The following SHC3 variants were observed in gnomAD, a reference collection of about 807,000 sequenced individuals.
The protein encoded by SHC3 is SHC-transforming protein 3.
A neutral mutation model predicts 60.4 loss-of-function variants in SHC3; 15 were observed. The ratio of observed to expected loss-of-function variants is 0.25; its 90% CI spans 0.17 to 0.38. The LOEUF is 0.38. SHC3 is among the 10% of genes least tolerant of loss of function. SHC3 has a pLI of 1.00. For missense variants in SHC3, 677 were observed against 786.1 expected, an observed-to-expected ratio of 0.86 and a Z score of 1.66; for synonymous variants, 294 against 325.9, an observed-to-expected ratio of 0.90 and a Z score of 1.05.
rs115450436 is a variant in SHC3 at position 89,038,227 on chromosome 9, G to A, written c.1422C>T (p.Ser474=). ...PLGPVLSKAA[S]VECISPVSPR... ...GTGACACAGGGCTGATGCACTCCAC[G>A]GAGGCTGCCTTGCTTAACACGGGCC... Residue 474 remains serine, a synonymous_variant, in exon 11 of 12, where the codon TCC becomes TCT. Coordinates refer to ENST00000375835, the MANE Select transcript of SHC3 (RefSeq NM_016848.6). 1.0e-3 allele frequency: 1,670 copies of A among 1,613,926 alleles called. 18 individuals are homozygous for A. The African/African-American group carries it at 0.019, about 19-fold the overall frequency.
intron 11 of SHC3, among the ~76,000 whole-genome samples, chr9:89,032,224 G>C (rs1165923234): frequency 2.0e-5 from 3 of 152,080 alleles, no homozygotes; most frequent in Non-Finnish European, 4.4e-5. Context: ...ATAACAACAG[G>C]GCATTATAAA....
At position 89,178,203 on chromosome 9, in the gene SHC3, C is replaced by T. The variant is rs139247368; in HGVS notation, c.258G>A (p.Ser86=). ...LSSSGLRGLS[S]AARERAGARL... is the part of the protein sequence containing the mutation. ...GCGCGCCCGCCCGCTCCCGGGCGGC[C>T]GACGACAGGCCGCGGAGGCCCGAGC... is the stretch of plus-strand genomic sequence containing the variant. The change falls in exon 1 of 12, where the codon TCG becomes TCA. Residue 86 remains serine, a synonymous_variant. Transcript: ENST00000375835. This position sits in a 1 kb window ranked among gnomAD's most constrained non-coding sequence, Gnocchi z 6.9. 126 of 1,415,382 alleles carry T rather than the reference C, an allele frequency of 8.9e-5. No individual in the cohort carries two copies. Among genetic ancestry groups the T allele is most frequent in the Middle Eastern group, 4.9e-4 (2 of 4,082 alleles). 87.7% of individuals were successfully genotyped at this position (1,415,382 alleles called of 1,614,324 possible).
intron 1 of SHC3, among the ~76,000 whole-genome samples, chr9:89,131,479 C>A (rs531248969): frequency 1.3e-5 from 2 of 152,272 alleles, no homozygotes; most frequent in East Asian, 3.9e-4. Context: ...AGACCAATAT[C>A]CCTGATGCAC....
At chr9:89,042,919 C>T (rs986862981) in intron 9 of SHC3, among the ~76,000 whole-genome samples, 2 of 151,894 alleles carry the variant, frequency 1.3e-5, no homozygotes, top group African/African-American at 4.8e-5. Context: ...AGGCTGGGCC[C>T]GGGCTGTTCT....
chr9:89,095,438 G>T (rs988499277), intron 2 of SHC3, among the ~76,000 whole-genome samples: 5 of 152,174 alleles, frequency 3.3e-5, no homozygotes, highest in Non-Finnish European at 7.3e-5. Flanking sequence ...AGTGGGAGTT[G>T]CTGGATCGGG....
intron 11 of SHC3, among the ~76,000 whole-genome samples, chr9:89,028,684 A>G (rs1373896085): frequency 1.4e-5 from 2 of 146,328 alleles, no homozygotes; most frequent in African/African-American, 4.9e-5. Flanking sequence ...ATATAAAGAG[A>G]TAATCTATAT....
chr9:89,077,493 C>T (rs1258213166), intron 3 of SHC3, among the ~76,000 whole-genome samples: 1 of 152,218 alleles, frequency 6.6e-6, no homozygotes, highest in Non-Finnish European at 1.5e-5. Flanking sequence ...TTTACCAGCA[C>T]ACCACTGGGG....
chr9:89,086,796 T>C (rs1336241566), intron 2 of SHC3, among the ~76,000 whole-genome samples: 3 of 152,322 alleles, frequency 2.0e-5, no homozygotes, highest in African/African-American at 7.2e-5. Context: ...CCAAGGATTT[T>C]AGAATCTTTT....
At chr9:89,159,091 A>C (rs548378743) in intron 1 of SHC3, among the ~76,000 whole-genome samples, 1 of 152,300 alleles carries the variant, frequency 6.6e-6, no homozygotes, top group Non-Finnish European at 1.5e-5. Flanking sequence ...GAAAACCATC[A>C]ATAATTCTGC....
chr9:89,158,079 T>A (rs1826651592), intron 1 of SHC3, among the ~76,000 whole-genome samples: 1 of 151,750 alleles, frequency 6.6e-6, no homozygotes, highest in South Asian at 2.1e-4. Context: ...TTTAGTTTCT[T>A]GAGGTAGACA....
intron 1 of SHC3, among the ~76,000 whole-genome samples, chr9:89,149,590 A>G (rs1826516805): frequency 6.6e-6 from 1 of 152,144 alleles, no homozygotes; most frequent in African/African-American, 2.4e-5. Context: ...CTAGAACTCT[A>G]ATGAAGTCAA....
At position 89,042,092 on chromosome 9, in the gene SHC3, G is replaced by A; in HGVS notation, c.1294C>T (p.Pro432Ser). ...PTYVNTQQIP[P>S]QAWPAAVSSA... ...CTGACCGCAGCCGGCCAGGCCTGTG[G>A]TGGGATCTGCTGAGTGTTGACGTAG... Residue 432 changes from proline to serine, a missense_variant, in exon 10 of 12, where the codon CCA becomes TCA. By Grantham distance (74) the Pro-to-Ser change is moderately conservative. Coordinates refer to ENST00000375835, the MANE Select transcript of SHC3 (RefSeq NM_016848.6). 1 of 1,601,716 alleles carries A rather than the reference G, an allele frequency of 6.2e-7. No individual in the cohort carries two copies. Among genetic ancestry groups the A allele is most frequent in the Non-Finnish European group, 8.5e-7 (1 of 1,176,940 alleles).
At position 89,042,085 on chromosome 9, in the gene SHC3, G is replaced by C. The variant is rs1450963033; in HGVS notation, c.1301C>G (p.Ala434Gly). The C allele has an allele frequency of 8.7e-6, 14 of 1,602,736 alleles. No individual in the cohort carries two copies. Among genetic ancestry groups the C allele is most frequent in the Admixed American group, 5.3e-5 (3 of 56,428 alleles). Residue 434 changes from alanine (A) to glycine (G), a missense_variant, in exon 10 of 12, where the codon GCC (alanine) becomes GGC (glycine). Coordinates refer to ENST00000375835, the MANE Select transcript of SHC3 (RefSeq NM_016848.6). The stretch of plus-strand genomic sequence containing the variant: ...AGCACTGCTGACCGCAGCCGGCCAG[G>C]CCTGTGGTGGGATCTGCTGAGTGTT... ...YVNTQQIPPQAWPAAVSSAES... is the reference protein window; with the variant it reads ...YVNTQQIPPQGWPAAVSSAES...
In SHC3 at chr9:89,178,252, T is replaced by C; in HGVS notation, c.209A>G (p.Lys70Arg). The C allele has an allele frequency of 6.5e-7, 1 of 1,527,946 alleles. No homozygotes were observed. Among genetic ancestry groups the C allele is most frequent in the Non-Finnish European group, 8.8e-7 (1 of 1,139,698 alleles). 94.6% of individuals were successfully genotyped at this position (1,527,946 alleles called of 1,614,324 possible). The change falls in exon 1 of 12, where the codon AAG (lysine) becomes AGG (arginine). Residue 70 changes from lysine to arginine, a missense_variant. Coordinates refer to ENST00000375835, the MANE Select transcript of SHC3 (RefSeq NM_016848.6). The surrounding 1 kb of genome is among the most constrained non-coding windows in gnomAD (Gnocchi z 6.9). ...GPGSLGHLLH[K>R]VSHLKLSSSG... The stretch of plus-strand genomic sequence containing the variant: ...GCTGGAGAGTTTCAGGTGGGACACC[T>C]TGTGGAGCAGGTGGCCCAGGCTGCC...
intron 2 of SHC3, among the ~76,000 whole-genome samples, chr9:89,094,103 C>CAAAAAA (rs1160433992): frequency 2.7e-5 from 2 of 73,048 alleles, no homozygotes; most frequent in Non-Finnish European, 5.5e-5. Flanking sequence ...GACTCTGTCT[C>CAAAAAA]AAAAAAAAAA....
At chr9:89,079,048 C>A (rs919395346) in intron 2 of SHC3, among the ~76,000 whole-genome samples, 1 of 152,138 alleles carries the variant, frequency 6.6e-6, no homozygotes, top group South Asian at 2.1e-4. Flanking sequence ...ATTTGCCACT[C>A]AATTTATTGT....
intron 6 of SHC3, among the ~76,000 whole-genome samples, chr9:89,062,266 G>C (rs1825103475): frequency 6.6e-6 from 1 of 152,132 alleles, no homozygotes; most frequent in Admixed American, 6.5e-5. Flanking sequence ...GACTTGTTGG[G>C]AATTGCATCC....
Position 89,008,314 on chromosome 9 carries a change from A to G in SHC3, c.*5133T>C, listed in dbSNP as rs911503434. 6.6e-6 allele frequency: 1 copy of G among 152,244 alleles called. No individual in the cohort carries two copies. Among genetic ancestry groups the G allele is most frequent in the Non-Finnish European group, 1.5e-5 (1 of 68,046 alleles). 9.4% of individuals were successfully genotyped at this position (152,244 alleles called of 1,614,324 possible). On this transcript the variant is annotated 3_prime_UTR_variant, in exon 12 of 12. Coordinates refer to ENST00000375835, the MANE Select transcript of SHC3 (RefSeq NM_016848.6). Reference sequence around the variant, plus strand: ...CAGCACGGACCCTGGGATCTGTGACATGAAGTGGTGTGAAAGCATAATTAT... The same window carrying G: ...CAGCACGGACCCTGGGATCTGTGACGTGAAGTGGTGTGAAAGCATAATTAT...
chr9:89,027,394 A>C (rs540728999), intron 11 of SHC3, among the ~76,000 whole-genome samples: 1 of 146,970 alleles, frequency 6.8e-6, no homozygotes. Context: ...ATCTCGGCTC[A>C]CTGCAGGCTG....
Sources: allele counts gnomAD v4.1 joint callset (sites outside exome capture counted in the v4.1 genomes callset), GRCh38; gene constraint gnomAD v4.1.1; non-coding constraint Gnocchi (gnomAD v3.1); transcripts MANE v1.5; gene names NCBI Gene and HGNC (gene_info 2026-07-23, HGNC 2026-07-21).